Variants in AKAP19 observed in about 807,000 individuals in gnomAD.
AKAP19 encodes small A-kinase anchoring protein.
chr2:189,937,084 A>G, the AKAP19 span, among the ~76,000 whole-genome samples: 2 of 152,188 alleles, frequency 1.3e-5, no homozygotes, highest in Non-Finnish European at 2.9e-5. Context: ...ACAGTGAGCT[A>G]TGATCATGCG....
chr2:190,189,521 C>A, the AKAP19 span, among the ~76,000 whole-genome samples: 2 of 152,108 alleles, frequency 1.3e-5, no homozygotes, highest in African/African-American at 4.8e-5. Flanking sequence ...TTAATAGATA[C>A]GGCTAAACCA....
chr2:189,916,510 T>G, the AKAP19 span, among the ~76,000 whole-genome samples: 5 of 151,916 alleles, frequency 3.3e-5, no homozygotes, highest in African/African-American at 7.2e-5. Context: ...TTAGTAGAGA[T>G]GGGGTTTCAC....
the AKAP19 span, among the ~76,000 whole-genome samples, chr2:190,081,631 T>G: frequency 6.6e-6 from 1 of 152,216 alleles, no homozygotes; most frequent in Non-Finnish European, 1.5e-5. Flanking sequence ...TAGTTTGTTT[T>G]ATAGACTTAA....
the AKAP19 span, among the ~76,000 whole-genome samples, chr2:190,077,591 C>T: frequency 7.4e-4 from 113 of 152,328 alleles, no homozygotes; most frequent in Non-Finnish European, 1.2e-3. Flanking sequence ...GCATGAGCCA[C>T]CGTGCACAGT....
At chr2:190,088,083 T>C in the AKAP19 span, among the ~76,000 whole-genome samples, 1 of 152,174 alleles carries the variant, frequency 6.6e-6, no homozygotes, top group East Asian at 1.9e-4. Context: ...CTGATATTAT[T>C]ATACCTATTT....
the AKAP19 span, among the ~76,000 whole-genome samples, chr2:190,086,058 T>C: frequency 1.3e-5 from 2 of 152,194 alleles, no homozygotes; most frequent in East Asian, 1.9e-4. Flanking sequence ...ATGGAAATAT[T>C]TGGGTAGGTT....
chr2:190,059,950 CT>C, the AKAP19 span: 1 of 1,159,704 alleles, frequency 8.6e-7, no homozygotes, highest in South Asian at 1.4e-5. Flanking sequence ...GGTAAGATAC[CT>C]TTGTCTAGCT....
chr2:190,161,412 A>G, the AKAP19 span, among the ~76,000 whole-genome samples: 1 of 152,090 alleles, frequency 6.6e-6, no homozygotes, highest in Admixed American at 6.5e-5. Flanking sequence ...AATCATACCA[A>G]ATTTATTTTC....
At chr2:190,002,279 T>C in the AKAP19 span, among the ~76,000 whole-genome samples, 1 of 152,240 alleles carries the variant, frequency 6.6e-6, no homozygotes, top group Non-Finnish European at 1.5e-5. Context: ...GAAGAGGATT[T>C]GCTTTGCTTG....
the AKAP19 span, among the ~76,000 whole-genome samples, chr2:190,035,802 A>G: frequency 1.3e-5 from 2 of 152,240 alleles, no homozygotes; most frequent in African/African-American, 4.8e-5. Context: ...ATGTACCACA[A>G]TTCATTTACC....
the AKAP19 span, among the ~76,000 whole-genome samples, chr2:190,109,809 G>T: frequency 6.6e-6 from 1 of 152,080 alleles, no homozygotes; most frequent in South Asian, 2.1e-4. Context: ...AGGGAAACAG[G>T]GCTCACATAA....
At chr2:190,055,263 G>T in the AKAP19 span, among the ~76,000 whole-genome samples, 1 of 148,928 alleles carries the variant, frequency 6.7e-6, no homozygotes, top group African/African-American at 2.5e-5. Context: ...CTCACTCATA[G>T]GTGGGAATTG....
At chr2:190,071,506 C>T in the AKAP19 span, among the ~76,000 whole-genome samples, 1 of 152,114 alleles carries the variant, frequency 6.6e-6, no homozygotes, top group African/African-American at 2.4e-5. Context: ...ACTATGCAGC[C>T]TACCTATGCA....
At chr2:189,982,637 T>A in the AKAP19 span, among the ~76,000 whole-genome samples, 5,193 of 151,384 alleles carry the variant, frequency 0.034, 283 homozygotes, top group African/African-American at 0.12. Context: ...TATTTTTGAA[T>A]TTGCTGTTGT....
the AKAP19 span, among the ~76,000 whole-genome samples, chr2:190,106,984 G>C: frequency 6.6e-6 from 1 of 152,192 alleles, no homozygotes; most frequent in African/African-American, 2.4e-5. Context: ...ATAAGCTGGA[G>C]AGAGAAGACT....
At chr2:189,956,168 C>CTTTTTTTT in the AKAP19 span, among the ~76,000 whole-genome samples, 5 of 4,336 alleles carry the variant, frequency 1.2e-3, no homozygotes, top group Non-Finnish European at 2.0e-3. Flanking sequence ...AGTATATTTT[C>CTTTTTTTT]TTTTTTTTCT....
the AKAP19 span, among the ~76,000 whole-genome samples, chr2:190,147,731 T>G: frequency 1.0e-5 from 1 of 95,872 alleles, no homozygotes; most frequent in Non-Finnish European, 2.4e-5. Flanking sequence ...GTTAGGTATA[T>G]TTCTAAGGTT....
chr2:189,899,696 C>T, the AKAP19 span, among the ~76,000 whole-genome samples: 1 of 152,008 alleles, frequency 6.6e-6, no homozygotes, highest in Non-Finnish European at 1.5e-5. Context: ...GTTGTCTATG[C>T]GACTACTGTC....
chr2:189,917,109 C>T, the AKAP19 span: 2 of 365,956 alleles, frequency 5.5e-6, no homozygotes, highest in South Asian at 5.0e-5. Flanking sequence ...TCTTATAGCA[C>T]AAACCCTCAT....
Sources: allele counts gnomAD v4.1 joint callset (sites outside exome capture counted in the v4.1 genomes callset), GRCh38; gene constraint gnomAD v4.1.1; transcripts MANE v1.5; gene names NCBI Gene and HGNC (gene_info 2026-07-23, HGNC 2026-07-21).